Variants in NALF1 observed in about 807,000 individuals in gnomAD.
NALF1 encodes the protein family with sequence similarity 155 member A.
Under a neutral mutation model 48.4 loss-of-function variants are expected in NALF1, and 3 were observed. That is an observed-to-expected ratio of 0.06 (90% CI 0.03 to 0.16). NALF1 has a LOEUF of 0.16. NALF1 is among the 10% of genes least tolerant of loss of function. NALF1 has a pLI of 1.00. For synonymous variants in NALF1, 262 were observed against 245.7 expected (o/e 1.07, Z -0.62); for missense variants, 526 against 571.5 (o/e 0.92, Z 0.81).
At chr13:107,430,344 G>T (rs1012681098) in intron 1 of NALF1, among the ~76,000 whole-genome samples, 3 of 151,750 alleles carry the variant, frequency 2.0e-5, no homozygotes, top group African/African-American at 4.8e-5. Flanking sequence ...CAACATGCAG[G>T]TTTGTTACAT....
chr13:107,306,859 G>A (rs1324831287), intron 1 of NALF1, among the ~76,000 whole-genome samples: 4 of 152,182 alleles, frequency 2.6e-5, no homozygotes, highest in South Asian at 4.1e-4. Context: ...CAGCTACTTT[G>A]GAGGCTGAGA....
intron 1 of NALF1, among the ~76,000 whole-genome samples, chr13:107,856,425 A>G (rs997762746): frequency 6.6e-6 from 1 of 152,184 alleles, no homozygotes; most frequent in Non-Finnish European, 1.5e-5. Flanking sequence ...TTGTGACCAG[A>G]AGAGATGAGA....
chr13:107,455,695 T>A (rs1387160578), intron 1 of NALF1, among the ~76,000 whole-genome samples: 1 of 152,198 alleles, frequency 6.6e-6, no homozygotes, highest in East Asian at 1.9e-4. Context: ...CACCTGTTTA[T>A]CCTCCTCTCC....
intron 1 of NALF1, among the ~76,000 whole-genome samples, chr13:107,283,649 TTTATTTATTTAC>T (rs1463142884): frequency 0.015 from 1,761 of 119,934 alleles, 25 homozygotes; most frequent in Non-Finnish European, 0.022. Context: ...TATTTATTTA[TTTATTTATTTAC>T]TATTTTTGTT....
At chr13:107,696,783 T>C (rs755875511) in intron 1 of NALF1, among the ~76,000 whole-genome samples, 16 of 152,304 alleles carry the variant, frequency 1.1e-4, no homozygotes, top group Middle Eastern at 6.8e-3. Flanking sequence ...TGGAAACATT[T>C]GCATATCTTG....
At chr13:107,527,143 T>C (rs774548465) in intron 1 of NALF1, among the ~76,000 whole-genome samples, 1 of 152,124 alleles carries the variant, frequency 6.6e-6, no homozygotes, top group Non-Finnish European at 1.5e-5. Context: ...AAAAAATAAA[T>C]GTCAGATAGG....
chr13:107,451,253 A>G (rs1209938232), intron 1 of NALF1, among the ~76,000 whole-genome samples: 1 of 152,162 alleles, frequency 6.6e-6, no homozygotes, highest in Non-Finnish European at 1.5e-5. Context: ...CGCCAGTAAG[A>G]TTCATAACTG....
At chr13:107,218,095 G>T (rs1363387448) in intron 1 of NALF1, among the ~76,000 whole-genome samples, 1 of 152,130 alleles carries the variant, frequency 6.6e-6, no homozygotes, top group African/African-American at 2.4e-5. Flanking sequence ...GGCCACAGGA[G>T]TGACAAGCAG....
At chr13:107,234,966 G>A (rs554582267) in intron 1 of NALF1, among the ~76,000 whole-genome samples, 7 of 151,894 alleles carry the variant, frequency 4.6e-5, no homozygotes, top group African/African-American at 1.7e-4. Context: ...ATGCCCCACC[G>A]CCTCTCCACC....
chr13:107,566,415 T>C (rs768427445), intron 1 of NALF1, among the ~76,000 whole-genome samples: 1 of 152,184 alleles, frequency 6.6e-6, no homozygotes, highest in Non-Finnish European at 1.5e-5. Context: ...GGAGCAACTG[T>C]AGTGGTGCAA....
At chr13:107,234,964 C>A (rs1016935967) in intron 1 of NALF1, among the ~76,000 whole-genome samples, 3 of 152,136 alleles carry the variant, frequency 2.0e-5, no homozygotes, top group Non-Finnish European at 4.4e-5. Flanking sequence ...CCATGCCCCA[C>A]CGCCTCTCCA....
chr13:107,813,936 C>T (rs1321200604), intron 1 of NALF1, among the ~76,000 whole-genome samples: 2 of 152,024 alleles, frequency 1.3e-5, no homozygotes. Context: ...TAGATATAAA[C>T]ATATAATCAA....
intron 1 of NALF1, among the ~76,000 whole-genome samples, chr13:107,642,527 C>A (rs994868341): frequency 6.6e-6 from 1 of 152,260 alleles, no homozygotes; most frequent in South Asian, 2.1e-4. Flanking sequence ...TGTTTATTCA[C>A]AACAATCAAT....
At chr13:107,605,522 T>C (rs567212587) in intron 1 of NALF1, among the ~76,000 whole-genome samples, 22 of 152,296 alleles carry the variant, frequency 1.4e-4, no homozygotes, top group African/African-American at 5.3e-4. Context: ...TTATTTCTAT[T>C]ATCTATTAGT....
intron 1 of NALF1, among the ~76,000 whole-genome samples, chr13:107,598,342 A>G (rs1350593296): frequency 6.6e-6 from 1 of 152,164 alleles, no homozygotes; most frequent in Non-Finnish European, 1.5e-5. Context: ...GTAGCTCAAG[A>G]TTCAGAACTG....
chr13:107,679,150 A>T (rs997640998), intron 1 of NALF1, among the ~76,000 whole-genome samples: 1 of 152,202 alleles, frequency 6.6e-6, no homozygotes, highest in Non-Finnish European at 1.5e-5. Context: ...CTATAGTTTA[A>T]ATATGTTAAA....
chr13:107,470,584 C>T (rs1293089456), intron 1 of NALF1, among the ~76,000 whole-genome samples: 1 of 152,132 alleles, frequency 6.6e-6, no homozygotes, highest in African/African-American at 2.4e-5. Context: ...AATACACATA[C>T]ATACATGTAC....
chr13:107,604,938 A>G (rs139904478), intron 1 of NALF1, among the ~76,000 whole-genome samples: 2 of 152,242 alleles, frequency 1.3e-5, no homozygotes, highest in African/African-American at 2.4e-5. Context: ...TATGTGCCAG[A>G]CCCTATGGCA....
intron 1 of NALF1, among the ~76,000 whole-genome samples, chr13:107,258,373 C>T (rs549712647): frequency 1.8e-4 from 28 of 152,104 alleles, no homozygotes; most frequent in African/African-American, 4.8e-4. Context: ...ATTGCCTCCA[C>T]GACACATTTG....
Sources: allele counts gnomAD v4.1 joint callset (sites outside exome capture counted in the v4.1 genomes callset), GRCh38; gene constraint gnomAD v4.1.1; transcripts MANE v1.5; gene names NCBI Gene and HGNC (gene_info 2026-07-23, HGNC 2026-07-21).